The following ASIC2 variants were observed in gnomAD, a reference collection of about 807,000 sequenced individuals.
ASIC2 encodes acid-sensing ion channel 2.
In ASIC2, 25 loss-of-function variants were observed where a neutral mutation model predicts 57.3. The observed-to-expected ratio is 0.44, with a 90% CI of 0.32 to 0.61. The LOEUF is 0.61. Among genes scored for constraint, ASIC2 ranks in the 20% least tolerant of loss-of-function variants. The pLI, the probability that ASIC2 is intolerant of heterozygous loss-of-function variation, is 0.06. For synonymous variants in ASIC2, 319 were observed against 307.5 expected, an observed-to-expected ratio of 1.04 and a Z score of -0.39; for missense variants, 641 against 738.1, an observed-to-expected ratio of 0.87 and a Z score of 1.52.
chr17:33,520,961 G>A (rs1914722464), intron 1 of ASIC2, among the ~76,000 whole-genome samples: 1 of 152,124 alleles, frequency 6.6e-6, no homozygotes, highest in South Asian at 2.1e-4. Flanking sequence ...GGACTACTTT[G>A]GAAAAGCAAA....
intron 1 of ASIC2, among the ~76,000 whole-genome samples, chr17:33,413,953 T>C (rs1287061961): frequency 6.6e-6 from 1 of 152,198 alleles, no homozygotes; most frequent in Non-Finnish European, 1.5e-5. Flanking sequence ...ATCTTGGTTT[T>C]AGGGCCAGGA....
At chr17:33,844,955 T>C (rs1015251831) in intron 1 of ASIC2, among the ~76,000 whole-genome samples, 1 of 152,254 alleles carries the variant, frequency 6.6e-6, no homozygotes, top group African/African-American at 2.4e-5. Context: ...TTAAGTAACT[T>C]GGCTAACGCC....
intron 3 of ASIC2, among the ~76,000 whole-genome samples, chr17:33,063,577 C>T (rs1287619746): frequency 6.6e-6 from 1 of 152,222 alleles, no homozygotes; most frequent in African/African-American, 2.4e-5. Flanking sequence ...CAACCTTTCT[C>T]TCTGGCTGCC....
rs73271402 is a variant in ASIC2 at position 33,458,752 on chromosome 17, A to G, written c.556-346685T>C. Among the ~76,000 whole-genome samples, 356 of 152,348 alleles carry G rather than the reference A, an allele frequency of 2.3e-3. 4 individuals are homozygous for G. Among genetic ancestry groups the G allele is most frequent in the African/African-American group, 8.3e-3 (347 of 41,584 alleles). ...GCTTCAGAATCCTAATCTATTAATG[A>G]AGAGATTGAATAATAATTTCTATGA... On this transcript the variant is annotated intron_variant, in intron 1 of 9. Transcript: ENST00000359872.
intron 1 of ASIC2, among the ~76,000 whole-genome samples, chr17:33,946,966 C>T (rs993187757): frequency 5.9e-5 from 9 of 152,052 alleles, no homozygotes; most frequent in African/African-American, 2.2e-4. Context: ...CTCTGATCTG[C>T]CCTTCCCTGC....
intron 1 of ASIC2, among the ~76,000 whole-genome samples, chr17:33,561,860 C>T (rs1369109): frequency 0.57 from 86,268 of 152,106 alleles, 25,617 homozygotes; most frequent in African/African-American, 0.75. Context: ...AATAGATGCA[C>T]GTCTTAGTTC....
chr17:33,507,018 C>G (rs1441542286), intron 1 of ASIC2, among the ~76,000 whole-genome samples: 1 of 152,158 alleles, frequency 6.6e-6, no homozygotes, highest in African/African-American at 2.4e-5. Flanking sequence ...TCATTAGGAA[C>G]TCTTCCTGTA....
At chr17:33,247,658 A>C (rs1287236567) in intron 1 of ASIC2, among the ~76,000 whole-genome samples, 1 of 152,180 alleles carries the variant, frequency 6.6e-6, no homozygotes, top group African/African-American at 2.4e-5. Context: ...TAGAGAACTG[A>C]CCCAGCAGAA....
chr17:33,050,254 AAC>A (rs775244266), intron 3 of ASIC2, among the ~76,000 whole-genome samples: 1 of 152,192 alleles, frequency 6.6e-6, no homozygotes. Flanking sequence ...CGCCTCTCAA[AAC>A]ACACCTCTAT....
At chr17:33,302,745 C>T (rs752674610) in intron 1 of ASIC2, among the ~76,000 whole-genome samples, 8 of 152,106 alleles carry the variant, frequency 5.3e-5, no homozygotes, top group African/African-American at 1.4e-4. Context: ...TCCTGTGGAC[C>T]TGTGTGATTA....
At chr17:33,047,413 A>T (rs1375288392) in intron 3 of ASIC2, among the ~76,000 whole-genome samples, 2 of 151,824 alleles carry the variant, frequency 1.3e-5, no homozygotes, top group Admixed American at 6.6e-5. Context: ...ATCATAGCTC[A>T]CTGTACCCTC....
intron 1 of ASIC2, among the ~76,000 whole-genome samples, chr17:33,405,629 G>T (rs890335168): frequency 1.3e-5 from 2 of 151,552 alleles, no homozygotes; most frequent in Admixed American, 6.6e-5. Flanking sequence ...GATTACAGGC[G>T]CCCGCCACCA....
intron 1 of ASIC2, among the ~76,000 whole-genome samples, chr17:33,741,804 G>A (rs958230804): frequency 2.0e-5 from 3 of 152,210 alleles, no homozygotes; most frequent in African/African-American, 7.2e-5. Context: ...GATTCTTGCT[G>A]ACATTCAGAT....
At chr17:33,580,563 G>A (rs748313554) in intron 1 of ASIC2, among the ~76,000 whole-genome samples, 14 of 152,096 alleles carry the variant, frequency 9.2e-5, no homozygotes, top group African/African-American at 2.4e-4. Flanking sequence ...CATGAGTGAC[G>A]CTGAGGGTCC....
intron 1 of ASIC2, chr17:33,792,404 A>C (rs28696228): frequency 0.81 from 123,179 of 152,072 alleles, 50,233 homozygotes; most frequent in African/African-American, 0.84. Flanking sequence ...GCTATTTCTC[A>C]TTGGGGGTGG....
intron 2 of ASIC2, among the ~76,000 whole-genome samples, chr17:33,104,273 C>A (rs2092226432): frequency 6.6e-6 from 1 of 152,178 alleles, no homozygotes; most frequent in South Asian, 2.1e-4. Context: ...ATATGTTCAA[C>A]CTACCATGTT....
intron 1 of ASIC2, among the ~76,000 whole-genome samples, chr17:33,188,199 T>G (rs950856549): frequency 1.7e-4 from 26 of 152,072 alleles, no homozygotes; most frequent in African/African-American, 1.7e-4. Context: ...TGGTTGGAAT[T>G]AACAGCAGAT....
At chr17:33,173,494 G>T (rs1309682638) in intron 1 of ASIC2, among the ~76,000 whole-genome samples, 2 of 152,170 alleles carry the variant, frequency 1.3e-5, no homozygotes, top group Non-Finnish European at 2.9e-5. Flanking sequence ...TGGGAGACTG[G>T]AGGATGCATT....
intron 1 of ASIC2, among the ~76,000 whole-genome samples, chr17:33,708,193 T>A (rs1908919117): frequency 6.6e-6 from 1 of 152,204 alleles, no homozygotes; most frequent in African/African-American, 2.4e-5. Flanking sequence ...ATCCACACCT[T>A]AATTTTTGAA....
Sources: gnomAD v4.1 joint callset for allele counts (sites outside exome capture counted in the v4.1 genomes callset) on GRCh38, gnomAD v4.1.1 for gene constraint, MANE v1.5 for transcripts, NCBI Gene and HGNC (gene_info 2026-07-23, HGNC 2026-07-21) for gene names.